Variants in DNAH14 observed in about 807,000 individuals in gnomAD.
DNAH14 encodes the protein dynein axonemal heavy chain 14.
Under a neutral mutation model 520.9 loss-of-function variants are expected in DNAH14, and 478 were observed. The observed-to-expected ratio is 0.92, with a 90% CI of 0.85 to 0.99. The LOEUF (loss-of-function observed/expected upper bound fraction) is 0.99. DNAH14 is among the 50% of genes least tolerant of loss of function. DNAH14 has a pLI of 0.00. For missense variants in DNAH14, 4,831 were observed against 5,234.5 expected, an observed-to-expected ratio of 0.92 and a Z score of 2.38; for synonymous variants, 1,581 against 1,757.2, an observed-to-expected ratio of 0.90 and a Z score of 2.51.
intron 11 of DNAH14, among the ~76,000 whole-genome samples, chr1:225,034,989 A>C (rs1344707326): frequency 6.6e-6 from 1 of 151,838 alleles, no homozygotes; most frequent in Non-Finnish European, 1.5e-5. Flanking sequence ...TGTAGCTAGT[A>C]GCCTCTCTAT....
Position 225,358,391 on chromosome 1 carries a change from A to G in DNAH14, c.11620-105A>G, listed in dbSNP as rs1380612575. 6 of 1,078,728 alleles carry G rather than the reference A, an allele frequency of 5.6e-6. No homozygotes were observed. In the African/African-American group the frequency reaches 8.2e-5, roughly 15 times the overall value. The allele number at this position is 1,078,728 out of a possible 1,614,324, so 66.8% of individuals were successfully genotyped here. ...TCCTCAACAGGAAAACTCTGGCTGA[A>G]AAGCTAAAAAATGAATACTTCTTAT... On this transcript the variant is annotated intron_variant, in intron 73 of 85. Coordinates refer to ENST00000682510, the MANE Select transcript of DNAH14 (RefSeq NM_001367479.1).
intron 8 of DNAH14, among the ~76,000 whole-genome samples, chr1:224,974,974 T>C (rs2501139): frequency 0.078 from 11,825 of 151,830 alleles, 1,440 homozygotes; most frequent in African/African-American, 0.27. Context: ...TCTGCATCTA[T>C]TGAGATAATC....
At chr1:224,972,534 C>T (rs550203040) in intron 7 of DNAH14, among the ~76,000 whole-genome samples, 85 of 151,754 alleles carry the variant, frequency 5.6e-4, no homozygotes, top group African/African-American at 2.0e-3. Context: ...GGCATGATCT[C>T]GGCTCACTGC....
At chr1:224,988,106 A>G (rs896681391) in intron 8 of DNAH14, among the ~76,000 whole-genome samples, 1 of 151,348 alleles carries the variant, frequency 6.6e-6, no homozygotes, top group African/African-American at 2.4e-5. Flanking sequence ...CTCTGTGTCC[A>G]TGCGTTATCA....
chr1:225,335,362 C>CAT (rs796684926), intron 66 of DNAH14, among the ~76,000 whole-genome samples: 2,388 of 51,060 alleles, frequency 0.047, 602 homozygotes, highest in African/African-American at 0.2. Context: ...TGCATATACA[C>CAT]GTGTACATGT....
At chr1:225,323,710 CT>C (rs1156390783) in intron 62 of DNAH14, among the ~76,000 whole-genome samples, 14 of 152,254 alleles carry the variant, frequency 9.2e-5, no homozygotes, top group Admixed American at 3.3e-4. Context: ...ATCTGCCCCC[CT>C]GGGCGTCCCA....
rs1413375123 is a variant in DNAH14, at chr1:225,353,834, T to A, written c.11565T>A (p.Cys3855Ter). The A allele has an allele frequency of 6.6e-6, 10 of 1,521,008 alleles. No homozygotes were observed. Among genetic ancestry groups the A allele is most frequent in the African/African-American group, 2.8e-5 (2 of 71,840 alleles). 94.2% of individuals were successfully genotyped at this position (1,521,008 alleles called of 1,614,324 possible). ...TTTTGAATGAAAATAAAGAAACGTG[T>A]AATCCTATAAATTTTCCCTGGGAGA... ...TELLNENKETCNPINFPWEKL... is the reference protein window; with the variant it reads ...TELLNENKET The change falls in exon 73 of 86, where the codon TGT becomes TGA. Residue 3855 changes from cysteine (C) to a stop codon, truncating the protein, a stop_gained. Coordinates refer to ENST00000682510, the MANE Select transcript of DNAH14 (RefSeq NM_001367479.1). LOFTEE classifies it high-confidence loss of function.
intron 38 of DNAH14, among the ~76,000 whole-genome samples, chr1:225,196,057 G>A (rs1365125632): frequency 6.6e-6 from 1 of 151,894 alleles, no homozygotes; most frequent in Non-Finnish European, 1.5e-5. Context: ...GGAACGGGTG[G>A]TATTTGGATA....
At chr1:225,079,935 A>C (rs1215284042) in intron 18 of DNAH14, among the ~76,000 whole-genome samples, 1 of 152,042 alleles carries the variant, frequency 6.6e-6, no homozygotes, top group African/African-American at 2.4e-5. Context: ...AGCCCCCCAA[A>C]GTGCTGGCAT....
chr1:225,252,513 TTATA>T (rs2092593757), intron 44 of DNAH14, 96 bp downstream of exon 44: 1 of 674,646 alleles, frequency 1.5e-6, no homozygotes, highest in African/African-American at 1.8e-5. Context: ...ATAAAAGTAA[TTATA>T]TCTGCAACTT....
At chr1:225,025,570 AAAAC>A (rs1156287746) in intron 11 of DNAH14, among the ~76,000 whole-genome samples, 3 of 151,468 alleles carry the variant, frequency 2.0e-5, no homozygotes, top group Non-Finnish European at 4.4e-5. Flanking sequence ...CATCTCTACA[AAAAC>A]AACAACAACA....
intron 54 of DNAH14, among the ~76,000 whole-genome samples, chr1:225,288,020 A>G (rs1031999861): frequency 6.6e-6 from 1 of 152,184 alleles, no homozygotes; most frequent in Non-Finnish European, 1.5e-5. Context: ...TCTCCCATTC[A>G]GAAGATATCC....
At chr1:225,060,490 G>A (rs548557421) in intron 17 of DNAH14, among the ~76,000 whole-genome samples, 13 of 151,794 alleles carry the variant, frequency 8.6e-5, no homozygotes, top group South Asian at 2.1e-4. Context: ...TAGTTTGATC[G>A]TCTGAAGCCT....
intron 8 of DNAH14, among the ~76,000 whole-genome samples, chr1:224,975,016 G>T (rs1220895001): frequency 6.6e-6 from 1 of 151,970 alleles, no homozygotes; most frequent in Non-Finnish European, 1.5e-5. Flanking sequence ...CTGTTTATAT[G>T]CTGGATTACA....
chr1:225,053,493 G>C (rs1323448622), intron 17 of DNAH14, among the ~76,000 whole-genome samples: 1 of 152,160 alleles, frequency 6.6e-6, no homozygotes, highest in Non-Finnish European at 1.5e-5. Context: ...GCATTTTTGT[G>C]TGGACCCTCT....
chr1:225,128,486 T>C (rs549606881), intron 27 of DNAH14, among the ~76,000 whole-genome samples: 26 of 152,280 alleles, frequency 1.7e-4, no homozygotes, highest in African/African-American at 6.0e-4. Context: ...GTGGGCTTCA[T>C]GCCTGGGATG....
chr1:225,290,692 T>TATATATATATA (rs1553301362), intron 55 of DNAH14, among the ~76,000 whole-genome samples: 2 of 120,772 alleles, frequency 1.7e-5, no homozygotes, highest in East Asian at 5.2e-4. Context: ...TATATATATA[T>TATATATATATA]ATTTCCTCCA....
intron 1 of DNAH14, among the ~76,000 whole-genome samples, chr1:224,951,644 AT>A (rs67437504): frequency 0.06 from 4,831 of 80,110 alleles, 30 homozygotes; most frequent in African/African-American, 0.099. Flanking sequence ...AGATTTCTGG[AT>A]TTTTTTTTTT....
intron 8 of DNAH14, among the ~76,000 whole-genome samples, chr1:224,992,703 T>C (rs1231322085): frequency 6.6e-6 from 1 of 152,136 alleles, no homozygotes; most frequent in East Asian, 1.9e-4. Flanking sequence ...TTTTATTTCT[T>C]TTCCTTAACT....
Sources: gnomAD v4.1 joint callset for allele counts (sites outside exome capture counted in the v4.1 genomes callset) on GRCh38, gnomAD v4.1.1 for gene constraint, MANE v1.5 for transcripts, NCBI Gene and HGNC (gene_info 2026-07-23, HGNC 2026-07-21) for gene names.